POP1: variants seen among roughly 807,000 people sequenced by gnomAD.
The protein encoded by POP1 is ribonucleases P/MRP protein subunit POP1.
Under a neutral mutation model 102.2 loss-of-function variants are expected in POP1, and 75 were observed. The observed-to-expected ratio is 0.73, with a 90% confidence interval of 0.61 to 0.89. POP1 has a LOEUF of 0.89. Ranked by LOEUF, POP1 falls within the 40% of genes least tolerant of loss-of-function variation. The pLI is 0.00. For synonymous variants in POP1, 436 were observed against 464.1 expected, an observed-to-expected ratio of 0.94 and a Z score of 0.78; for missense variants, 1,116 against 1,267.4, an observed-to-expected ratio of 0.88 and a Z score of 1.81.
intron 4 of POP1, 23 bp from the exon 5 acceptor site, chr8:98,129,955 T>TG: frequency 6.2e-7 from 1 of 1,613,162 alleles, no homozygotes; most frequent in South Asian, 1.1e-5. Context: ...AACTGGGATA[T>TG]GTCCCTCTAC....
intron 14 of POP1, among the ~76,000 whole-genome samples, chr8:98,154,283 C>A (rs1263855582): frequency 6.6e-6 from 1 of 152,166 alleles, no homozygotes; most frequent in Admixed American, 6.5e-5. Context: ...GAGTTGGCTG[C>A]GCCCAGGTCA....
intron 11 of POP1, among the ~76,000 whole-genome samples, chr8:98,143,304 G>A (rs16896685): frequency 0.19 from 29,379 of 152,104 alleles, 3,237 homozygotes; most frequent in African/African-American, 0.31. Flanking sequence ...ATTGACCTAA[G>A]AGGGCCTTCC....
chr8:98,138,720 C>T (rs981780800), intron 9 of POP1, among the ~76,000 whole-genome samples: 12 of 152,140 alleles, frequency 7.9e-5, no homozygotes, highest in African/African-American at 1.9e-4. Flanking sequence ...GAGGGTGCCC[C>T]GTAGTAGCTA....
At chr8:98,136,387 T>A in intron 7 of POP1, 95 bp from the exon 8 acceptor site, 1 of 1,415,510 alleles carries the variant, frequency 7.1e-7, no homozygotes. Flanking sequence ...AAAATGTTAA[T>A]TTTTAAAGAG....
Position 98,127,603 on chromosome 8 carries a change from C to T in POP1, c.151C>T (p.Pro51Ser). 1 of 1,614,132 alleles carries T rather than the reference C, an allele frequency of 6.2e-7. No homozygotes were observed. Among genetic ancestry groups the T allele is most frequent in the Non-Finnish European group, 8.5e-7 (1 of 1,180,024 alleles). Reference protein sequence around the residue: ...PFQAQKQEPHPGTSRQRQTRV... With the variant: ...PFQAQKQEPHSGTSRQRQTRV... Reference sequence around the variant, plus strand: ...TTTTGAAAATATACTAGAGCCTCATCCTGGAACTTCACGACAGCGGCAAAC... The same window carrying T: ...TTTTGAAAATATACTAGAGCCTCATTCTGGAACTTCACGACAGCGGCAAAC... The change falls in exon 3 of 16, where the codon CCT becomes TCT. Residue 51 changes from proline to serine, a missense_variant. By Grantham distance (74) the Pro-to-Ser change is moderately conservative (BLOSUM62 -1). Transcript: ENST00000401707.
intron 15 of POP1, among the ~76,000 whole-genome samples, chr8:98,156,818 G>C (rs1586255077): frequency 6.6e-6 from 1 of 151,888 alleles, no homozygotes; most frequent in Admixed American, 6.6e-5. Flanking sequence ...AGAGGCTACC[G>C]GATACACTAT....
At position 98,136,918 on chromosome 8, in the gene POP1, C is replaced by T. The variant is rs1816563517; in HGVS notation, c.1326C>T (p.Ile442=). The T allele has an allele frequency of 6.2e-7, 1 of 1,613,182 alleles. No individual in the cohort carries two copies. The highest frequency in any genetic ancestry group is 8.5e-7 in the Non-Finnish European group (1 of 1,179,090). Residue 442 remains isoleucine, a synonymous_variant, in exon 9 of 16, where the codon ATC becomes ATT. Transcript: ENST00000401707. ...FRLIGPLSHS[I]LTEAIKAASV... ...TGATTGGGCCACTTTCCCACTCCATCCTAACTGAAGCAATAAAAGCTGCTT... is the reference window on the plus strand; with the variant it reads ...TGATTGGGCCACTTTCCCACTCCATTCTAACTGAAGCAATAAAAGCTGCTT...
chr8:98,156,274 C>T lies in POP1; in HGVS notation c.2282C>T (p.Thr761Ile), dbSNP rs1809645171. 1.2e-6 allele frequency: 2 copies of T among 1,614,020 alleles called. No individual in the cohort carries two copies. The highest frequency in any genetic ancestry group is 1.7e-5 in the Admixed American group (1 of 60,006). The change falls in exon 15 of 16, where the codon ACA becomes ATA. Residue 761 changes from threonine to isoleucine, a missense_variant. Thr to Ile is a moderately conservative substitution (Grantham distance 89). Transcript: ENST00000401707. ...CATCAGCCATCTGATGAAGTGGGCA[C>T]ATCCATAGAGCACCCCAGGGAGGCA... Reference protein sequence around the residue: ...KTHQPSDEVGTSIEHPREAEE... With the variant: ...KTHQPSDEVGISIEHPREAEE...
Position 98,130,131 on chromosome 8 carries a change from A to G in POP1, c.640A>G (p.Met214Val), listed in dbSNP as rs370059328. 2.4e-5 allele frequency: 39 copies of G among 1,614,084 alleles called. No homozygotes were observed. The highest frequency in any genetic ancestry group is 4.4e-5 in the South Asian group (4 of 91,090). ...THIWHAKRFHMVKKWGYCLGE... is the reference protein window; with the variant it reads ...THIWHAKRFHVVKKWGYCLGE... ...CATCTGGCACGCCAAGCGGTTTCAT[A>G]TGGTCAAGAAGTGGGGCTACTGCCT... Residue 214 changes from methionine to valine, a missense_variant, in exon 5 of 16, where the codon ATG (methionine) becomes GTG (valine). By Grantham distance (21) the Met-to-Val change is conservative. Transcript: ENST00000401707.
Position 98,140,418 on chromosome 8 carries a change from A to T in POP1, c.1474+229A>T, listed in dbSNP as rs547265314. ...CATATTCTAAGTAACTGGCATTCTGATAGTGGAGATAAATGCATACACCAG... is the reference window on the plus strand; with the variant it reads ...CATATTCTAAGTAACTGGCATTCTGTTAGTGGAGATAAATGCATACACCAG... On this transcript the variant is annotated intron_variant, in intron 10 of 15. Transcript: ENST00000401707. 1.6e-4 allele frequency among the ~76,000 whole-genome samples: 24 copies of T among 152,364 alleles called. No homozygotes were observed. The South Asian group carries it at 3.5e-3, about 22-fold the overall frequency.
intron 1 of POP1, among the ~76,000 whole-genome samples, chr8:98,119,254 T>G (rs1223882763): frequency 6.6e-6 from 1 of 152,262 alleles, no homozygotes; most frequent in Non-Finnish European, 1.5e-5. Flanking sequence ...TTACAAATGA[T>G]TCAACTTGTG....
chr8:98,138,800 T>C (rs1240648918), intron 9 of POP1, among the ~76,000 whole-genome samples: 2 of 151,912 alleles, frequency 1.3e-5, no homozygotes, highest in Non-Finnish European at 2.9e-5. Flanking sequence ...ACCACTAAGC[T>C]GTGCTACCTG....
chr8:98,130,052 C>A lies in POP1; in HGVS notation c.561C>A (p.Asn187Lys), dbSNP rs1302570600. Reference protein sequence around the residue: ...KCHKARRCHMNRTLEFNRRQK... With the variant: ...KCHKARRCHMKRTLEFNRRQK... ...ATAAAGCTCGAAGATGTCACATGAA[C>A]CGGACGCTAGAATTTAACCGTAGAC... The change falls in exon 5 of 16, where the codon AAC becomes AAA. Residue 187 changes from asparagine to lysine, a missense_variant. By Grantham distance (94) the Asn-to-Lys change is moderately conservative. Transcript: ENST00000401707. 6.2e-6 allele frequency: 10 copies of A among 1,613,940 alleles called. No individual in the cohort carries two copies. The highest frequency in any genetic ancestry group is 8.5e-6 in the Non-Finnish European group (10 of 1,179,980).
chr8:98,141,225 C>T (rs1241678890), intron 11 of POP1, among the ~76,000 whole-genome samples: 1 of 151,956 alleles, frequency 6.6e-6, no homozygotes, highest in Non-Finnish European at 1.5e-5. Flanking sequence ...GGGATCTGCA[C>T]CCGAAGCTGG....
intron 14 of POP1, among the ~76,000 whole-genome samples, chr8:98,155,484 T>C (rs528985838): frequency 1.0e-3 from 157 of 152,166 alleles, no homozygotes; most frequent in Non-Finnish European, 1.9e-3. Context: ...GGTTTCACCA[T>C]GTTGGCCAGG....
chr8:98,123,229 A>G, intron 1 of POP1, 107 bp from the exon 2 acceptor site: 1 of 1,332,664 alleles, frequency 7.5e-7, no homozygotes, highest in Non-Finnish European at 1.0e-6. Flanking sequence ...GGTCTCTTCC[A>G]TCAATAGACT....
At chr8:98,150,161 T>C (rs1427861513) in intron 13 of POP1, among the ~76,000 whole-genome samples, 1 of 152,234 alleles carries the variant, frequency 6.6e-6, no homozygotes, top group East Asian at 1.9e-4. Flanking sequence ...CATATTTTTA[T>C]AGCTTTATTA....
At chr8:98,144,657 T>C (rs1254308448) in intron 11 of POP1, among the ~76,000 whole-genome samples, 2 of 152,170 alleles carry the variant, frequency 1.3e-5, no homozygotes, top group African/African-American at 4.8e-5. Flanking sequence ...AACTATCTCT[T>C]TTGTCTGCAG....
intron 9 of POP1, 116 bp downstream of exon 9, chr8:98,137,070 C>T (rs1816568606): frequency 2.2e-6 from 2 of 889,622 alleles, no homozygotes; most frequent in Non-Finnish European, 3.6e-6. Context: ...ATGTTTATTT[C>T]CCTACTTATT....
Sources: allele counts gnomAD v4.1 joint callset (sites outside exome capture counted in the v4.1 genomes callset), GRCh38; gene constraint gnomAD v4.1.1; transcripts MANE v1.5; gene names NCBI Gene and HGNC (gene_info 2026-07-23, HGNC 2026-07-21).